TSHZ2: variants seen among roughly 807,000 people sequenced by gnomAD.
The protein encoded by TSHZ2 is teashirt homolog 2.
TSHZ2 carries 21 observed loss-of-function variants against 74.4 expected under a neutral mutation model. The observed-to-expected ratio is 0.28, with a 90% CI of 0.20 to 0.41. The LOEUF (loss-of-function observed/expected upper bound fraction) is 0.41. TSHZ2 is among the 10% of genes least tolerant of loss of function. The pLI is 1.00. For missense variants in TSHZ2, 1,244 were observed against 1,293.5 expected (o/e 0.96, Z 0.59); for synonymous variants, 540 against 515.3 (o/e 1.05, Z -0.65).
At position 53,494,730 on chromosome 20, in the gene TSHZ2, AC is replaced by A. The variant is rs1402707542; in HGVS notation, c.*7596del. ...TTTGTTGAGCTATTGTGAAAAAAAA[AC>A]AACACATTCGCCAAGGTTATATGGA... On this transcript the variant is annotated 3_prime_UTR_variant, in exon 3 of 3. Transcript: ENST00000371497. 6.6e-6 allele frequency: 1 copy of A among 151,886 alleles called. No homozygotes were observed. Among genetic ancestry groups the A allele is most frequent in the African/African-American group, 2.4e-5 (1 of 41,336 alleles). 9.4% of individuals were successfully genotyped at this position (151,886 alleles called of 1,614,324 possible).
intron 2 of TSHZ2, among the ~76,000 whole-genome samples, chr20:53,462,688 A>T (rs1036825094): frequency 6.6e-6 from 1 of 152,210 alleles, no homozygotes; most frequent in Non-Finnish European, 1.5e-5. Flanking sequence ...TCAACAGCTG[A>T]TTTGGGGGTG....
intron 2 of TSHZ2, among the ~76,000 whole-genome samples, chr20:53,420,608 C>T (rs991495337): frequency 4.6e-5 from 7 of 151,986 alleles, no homozygotes; most frequent in Non-Finnish European, 8.8e-5. Context: ...CGCCTGTAGT[C>T]CCAGCTACTT....
intron 2 of TSHZ2, among the ~76,000 whole-genome samples, chr20:53,389,976 T>A (rs774476882): frequency 1.5e-4 from 23 of 152,228 alleles, no homozygotes; most frequent in Admixed American, 5.9e-4. Flanking sequence ...CAAAGCAAGT[T>A]TAAACTTTGT....
At chr20:53,269,957 C>G (rs906140966) in intron 2 of TSHZ2, among the ~76,000 whole-genome samples, 1 of 152,072 alleles carries the variant, frequency 6.6e-6, no homozygotes, top group East Asian at 1.9e-4. Flanking sequence ...ATAATATATT[C>G]TCATATCATC....
At chr20:52,990,226 G>A (rs181211486) in intron 1 of TSHZ2, among the ~76,000 whole-genome samples, 24 of 152,178 alleles carry the variant, frequency 1.6e-4, no homozygotes, top group Admixed American at 1.5e-3. Flanking sequence ...TATTGAAACA[G>A]CTAATATTTT....
intron 1 of TSHZ2, among the ~76,000 whole-genome samples, chr20:53,037,922 G>A (rs1197054666): frequency 6.6e-6 from 1 of 152,018 alleles, no homozygotes; most frequent in East Asian, 1.9e-4. Flanking sequence ...AGGACAGAAT[G>A]CCTGGGTCTG....
chr20:53,065,990 G>A (rs1053141296), intron 1 of TSHZ2, among the ~76,000 whole-genome samples: 1 of 152,144 alleles, frequency 6.6e-6, no homozygotes, highest in Non-Finnish European at 1.5e-5. Context: ...GCTGACTTCC[G>A]CAGGGATCTG....
At chr20:53,461,249 C>T (rs376997981) in intron 2 of TSHZ2, among the ~76,000 whole-genome samples, 10 of 152,262 alleles carry the variant, frequency 6.6e-5, no homozygotes, top group East Asian at 1.9e-4. Flanking sequence ...CCTGGTGCGC[C>T]GTTTTTTAAG....
intron 1 of TSHZ2, among the ~76,000 whole-genome samples, chr20:53,065,655 G>A (rs903874481): frequency 6.6e-6 from 1 of 152,168 alleles, no homozygotes; most frequent in African/African-American, 2.4e-5. Flanking sequence ...CCCTCTGGAA[G>A]GGGGCGTGGA....
intron 1 of TSHZ2, among the ~76,000 whole-genome samples, chr20:53,095,987 C>T (rs1986030891): frequency 1.3e-5 from 2 of 152,142 alleles, no homozygotes; most frequent in African/African-American, 4.8e-5. Flanking sequence ...CTCTCTTTCT[C>T]CAATGAACCT....
rs1205730556 is a variant in TSHZ2, at chr20:53,362,147, G to A, written c.*8+105576G>A. ...CTCCCGAAGTGCTGGCATTACAGGCGTGAGCCACCGTGCCCAGCCTCTTCA... is the reference window on the plus strand; with the variant it reads ...CTCCCGAAGTGCTGGCATTACAGGCATGAGCCACCGTGCCCAGCCTCTTCA... On this transcript the variant is annotated intron_variant, in intron 2 of 2. Transcript: ENST00000371497. Among the ~76,000 whole-genome samples, 65 of 150,316 alleles carry A rather than the reference G, an allele frequency of 4.3e-4. 1 individual carries two copies. Among genetic ancestry groups the A allele is most frequent in the Admixed American group, 3.8e-3 (57 of 15,080 alleles).
chr20:53,270,054 G>A (rs773215767), intron 2 of TSHZ2, among the ~76,000 whole-genome samples: 32 of 152,118 alleles, frequency 2.1e-4, no homozygotes, highest in Non-Finnish European at 4.1e-4. Flanking sequence ...TGGGAGCTAT[G>A]TAGGAATCTG....
At chr20:53,267,306 A>G (rs1990741221) in intron 2 of TSHZ2, among the ~76,000 whole-genome samples, 1 of 152,208 alleles carries the variant, frequency 6.6e-6, no homozygotes, top group African/African-American at 2.4e-5. Flanking sequence ...GCCAGTAAGA[A>G]GAGGGACAAG....
rs1002474626 is a variant in TSHZ2 at position 53,412,113 on chromosome 20, C to T, written c.*9-75031C>T. 2.0e-5 allele frequency among the ~76,000 whole-genome samples: 3 copies of T among 152,170 alleles called. No homozygotes were observed. The East Asian group carries it at 5.8e-4, about 29-fold the overall frequency. ...TCTGCTCACTCTTAGCAGGGACGAG[C>T]CCATGGTCCCATTAAGACTCAGTTC... On this transcript the variant is annotated intron_variant, in intron 2 of 2. Transcript: ENST00000371497.
chr20:53,343,445 T>C (rs953652210), intron 2 of TSHZ2, among the ~76,000 whole-genome samples: 14 of 152,226 alleles, frequency 9.2e-5, no homozygotes, highest in Middle Eastern at 3.4e-3. Flanking sequence ...GAGCTCCAAC[T>C]GTCGGCAGAT....
chr20:53,159,653 A>T (rs1438747283), intron 1 of TSHZ2, among the ~76,000 whole-genome samples: 1 of 94,424 alleles, frequency 1.1e-5, no homozygotes, highest in Admixed American at 1.1e-4. Flanking sequence ...AACAGGAGTT[A>T]AAAAAAAAAA....
chr20:53,155,072 TTTTA>T (rs1251138182), intron 1 of TSHZ2, among the ~76,000 whole-genome samples: 34 of 149,602 alleles, frequency 2.3e-4, no homozygotes, highest in African/African-American at 8.4e-4. Flanking sequence ...TTTTTTTTTT[TTTTA>T]GTTTTGTCAG....
chr20:53,304,628 C>CTGT (rs1555848413), intron 2 of TSHZ2, among the ~76,000 whole-genome samples: 5 of 150,828 alleles, frequency 3.3e-5, no homozygotes, highest in African/African-American at 1.2e-4. Context: ...TGTTTGTTTC[C>CTGT]TTGTTTGTTT....
intron 2 of TSHZ2, among the ~76,000 whole-genome samples, chr20:53,352,593 G>C (rs905541545): frequency 6.6e-6 from 1 of 151,852 alleles, no homozygotes; most frequent in African/African-American, 2.4e-5. Flanking sequence ...GGCCAACATG[G>C]TGAAACCTTG....
Sources: gnomAD v4.1 joint callset for allele counts (sites outside exome capture counted in the v4.1 genomes callset) on GRCh38, gnomAD v4.1.1 for gene constraint, MANE v1.5 for transcripts, NCBI Gene and HGNC (gene_info 2026-07-23, HGNC 2026-07-21) for gene names.